The following BUD13 variants were observed in gnomAD, a reference collection of about 807,000 sequenced individuals.
BUD13 encodes BUD13 homolog.
BUD13 carries 47 observed loss-of-function variants against 62.5 expected under a neutral mutation model. The ratio of observed to expected loss-of-function variants is 0.75; its 90% CI spans 0.60 to 0.96. The LOEUF (loss-of-function observed/expected upper bound fraction) is 0.96, where lower values mean the gene tolerates loss of function less well. Ranked by LOEUF, BUD13 falls within the 40% of genes least tolerant of loss-of-function variation. The pLI is 0.00. For synonymous variants in BUD13, 293 were observed against 280.1 expected (o/e 1.05, Z -0.46); for missense variants, 821 against 790.9 (o/e 1.04, Z -0.46).
In BUD13 at chr11:116,772,949, G is replaced by T; in HGVS notation, c.16C>A (p.Pro6Thr). The T allele has an allele frequency of 1.3e-6, 2 of 1,568,788 alleles. No homozygotes were observed. The highest frequency in any genetic ancestry group is 2.3e-5 in the South Asian group (2 of 87,176). The change falls in exon 1 of 10, where the codon CCG becomes ACG. Residue 6 changes from proline to threonine, a missense_variant. Transcript: ENST00000260210. MAAAP[P>T]LSKAEYLKRY... ...TTCAGATACTCGGCCTTGGAAAGCG[G>T]CGGAGCTGCCGCCATGGCAGCGGCG...
In BUD13 at chr11:116,770,234, TA is replaced by T; in HGVS notation, c.144-13del. 1.3e-6 allele frequency: 2 copies of T among 1,597,382 alleles called. No individual in the cohort carries two copies. The highest frequency in any genetic ancestry group is 1.7e-6 in the Non-Finnish European group (2 of 1,173,502). On this transcript the variant is annotated splice_polypyrimidine_tract_variant and intron_variant, in intron 1 of 9. Coordinates refer to ENST00000260210, the MANE Select transcript of BUD13 (RefSeq NM_032725.4). ...CCACAATCCGCATTCTAAATGAGAA[TA>T]AGAAGATCAAAAAGAGTCATTCTAG...
At chr11:116,761,067 A>ATTT in intron 4 of BUD13, 115 bp from the exon 5 acceptor site, 1 of 848,046 alleles carries the variant, frequency 1.2e-6, no homozygotes. Flanking sequence ...TTACATTATT[A>ATTT]TTATTTTTTT....
Position 116,748,941 on chromosome 11 carries a change from T to C in BUD13, c.1767-366A>G, listed in dbSNP as rs574155413. On this transcript the variant is annotated intron_variant, in intron 9 of 9. Transcript: ENST00000260210. ...CAGAGGTTGCAGTGAGCGGAGATCGTGCCACTGCACTCCAGCCTGGGTGAC... is the reference window on the plus strand; with the variant it reads ...CAGAGGTTGCAGTGAGCGGAGATCGCGCCACTGCACTCCAGCCTGGGTGAC... Among the ~76,000 whole-genome samples the C allele has an allele frequency of 3.8e-5, 5 of 130,114 alleles. No individual in the cohort carries two copies. The South Asian group carries it at 1.1e-3, about 29-fold the overall frequency. 85.4% of individuals were successfully genotyped at this position (130,114 alleles called of 152,430 possible). A position where few individuals can be genotyped will look rare whatever the true frequency, so the allele number is the denominator to read the frequency against.
intron 3 of BUD13, among the ~76,000 whole-genome samples, chr11:116,764,978 T>C (rs1487734376): frequency 1.3e-5 from 2 of 151,908 alleles, no homozygotes; most frequent in Non-Finnish European, 2.9e-5. Flanking sequence ...CAGAAATGAG[T>C]TGCTTCATTG....
intron 2 of BUD13, among the ~76,000 whole-genome samples, chr11:116,769,727 C>T (rs1208944282): frequency 2.6e-5 from 4 of 152,090 alleles, no homozygotes; most frequent in Non-Finnish European, 4.4e-5. Context: ...ACTAACCCCC[C>T]TACAAATCTA....
chr11:116,748,365 C>T lies in BUD13; in HGVS notation c.*117G>A. The T allele has an allele frequency of 1.2e-6, 1 of 854,746 alleles. No homozygotes were observed. The highest frequency in any genetic ancestry group is 1.9e-6 in the Non-Finnish European group (1 of 531,090). The allele number at this position is 854,746 out of a possible 1,614,324, so 52.9% of individuals were successfully genotyped here. A position where few individuals can be genotyped will look rare whatever the true frequency, so the allele number is the denominator to read the frequency against. ...TTCTTCTGTGGTCAAAACTGGCATT[C>T]AACAAGTTGCTGGTCTGTGTGGGCT... On this transcript the variant is annotated 3_prime_UTR_variant, in exon 10 of 10. Transcript: ENST00000260210.
At chr11:116,767,141 T>C (rs1260696742) in intron 2 of BUD13, among the ~76,000 whole-genome samples, 2 of 151,348 alleles carry the variant, frequency 1.3e-5, no homozygotes, top group African/African-American at 2.4e-5. Context: ...TGAGCCAAGA[T>C]TGAGCCACTG....
chr11:116,749,004 A>G (rs1320905720), intron 9 of BUD13, among the ~76,000 whole-genome samples: 1 of 151,172 alleles, frequency 6.6e-6, no homozygotes, highest in Non-Finnish European at 1.5e-5. Flanking sequence ...AAAAAAAAGA[A>G]AGAAAGAAAC....
chr11:116,756,178 C>G (rs1940320561), intron 9 of BUD13, among the ~76,000 whole-genome samples: 1 of 151,826 alleles, frequency 6.6e-6, no homozygotes, highest in African/African-American at 2.4e-5. Flanking sequence ...AGCAACAGAG[C>G]AAGACTCTGC....
intron 4 of BUD13, among the ~76,000 whole-genome samples, chr11:116,761,342 T>C (rs1467310462): frequency 6.6e-6 from 1 of 152,156 alleles, no homozygotes; most frequent in Non-Finnish European, 1.5e-5. Flanking sequence ...TGAGCCACCA[T>C]GCCTGGCCAA....
intron 3 of BUD13, 110 bp downstream of exon 3, chr11:116,765,252 T>C (rs1481523959): frequency 1.6e-5 from 19 of 1,153,814 alleles, no homozygotes; most frequent in Non-Finnish European, 2.3e-5. Context: ...TTTTTCAGGA[T>C]CAATGACATG....
In BUD13 at chr11:116,759,111, C is replaced by G; in HGVS notation, c.1323G>C (p.Glu441Asp). The change falls in exon 6 of 10, where the codon GAG becomes GAC. Residue 441 changes from glutamate to aspartate, a missense_variant. Glu to Asp is a conservative substitution (Grantham distance 45). Coordinates refer to ENST00000260210, the MANE Select transcript of BUD13 (RefSeq NM_032725.4). The stretch of plus-strand genomic sequence containing the variant: ...TGGTTTCTTGATCCTGTTCCTTGAG[C>G]TCCTGCTGTTCTCGCTGTATGTCAG... ...VLTDIQREQQELKEQDQETMA... is the reference protein window; with the variant it reads ...VLTDIQREQQDLKEQDQETMA... 1 of 1,613,898 alleles carries G rather than the reference C, an allele frequency of 6.2e-7. No homozygotes were observed. Among genetic ancestry groups the G allele is most frequent in the East Asian group, 2.2e-5 (1 of 44,870 alleles).
At position 116,762,819 on chromosome 11, in the gene BUD13, C is replaced by T. The variant is rs1940455316; in HGVS notation, c.770G>A (p.Gly257Asp). 1 of 1,610,080 alleles carries T rather than the reference C, an allele frequency of 6.2e-7. No individual in the cohort carries two copies. Among genetic ancestry groups the T allele is most frequent in the Non-Finnish European group, 8.5e-7 (1 of 1,178,838 alleles). The part of the protein sequence containing the change: ...NSPDTSRRTL[G>D]SSDTQQLRRA... ...TCTGAGTTGCTGTGTGTCTGAAGAG[C>T]CAAGAGTCCTCCTAGATGTGTCAGG... Residue 257 changes from glycine to aspartate, a missense_variant, in exon 4 of 10, where the codon GGC becomes GAC. This residue lies in a region of BUD13 where 800 missense variants were observed against 739.2 expected (regional missense o/e 1.08). Coordinates refer to ENST00000260210, the MANE Select transcript of BUD13 (RefSeq NM_032725.4).
chr11:116,761,583 C>G (rs1040129496), intron 4 of BUD13, among the ~76,000 whole-genome samples: 1 of 152,180 alleles, frequency 6.6e-6, no homozygotes, highest in African/African-American at 2.4e-5. Flanking sequence ...ACACACTCCT[C>G]TATGTCAGTA....
intron 9 of BUD13, among the ~76,000 whole-genome samples, chr11:116,748,797 C>T (rs1038743578): frequency 3.3e-5 from 5 of 152,022 alleles, no homozygotes; most frequent in Non-Finnish European, 4.4e-5. Flanking sequence ...ACCAGCCTGC[C>T]TAATATGGTG....
Position 116,759,085 on chromosome 11 carries a change from A to G in BUD13, c.1349T>C (p.Met450Thr), listed in dbSNP as rs1405566307. The part of the protein sequence containing the change: ...QELKEQDQET[M>T]AFEAEFQYAE... ...TTTCATATTTTTACCTTCAAATGCCATGGTTTCTTGATCCTGTTCCTTGAG... is the reference window on the plus strand; with the variant it reads ...TTTCATATTTTTACCTTCAAATGCCGTGGTTTCTTGATCCTGTTCCTTGAG... The change falls in exon 6 of 10, where the codon ATG (methionine) becomes ACG (threonine). Residue 450 changes from methionine to threonine, a missense_variant. By Grantham distance (81) the Met-to-Thr change is moderately conservative. Transcript: ENST00000260210. 6.2e-7 allele frequency: 1 copy of G among 1,613,050 alleles called. No homozygotes were observed. The highest frequency in any genetic ancestry group is 1.1e-5 in the South Asian group (1 of 91,034).
At position 116,772,888 on chromosome 11, in the gene BUD13, C is replaced by G. The variant is rs770960697; in HGVS notation, c.77G>C (p.Arg26Pro). The G allele has an allele frequency of 5.0e-6, 8 of 1,588,998 alleles. No homozygotes were observed. Among genetic ancestry groups the G allele is most frequent in the Non-Finnish European group, 6.8e-6 (8 of 1,168,762 alleles). The change falls in exon 1 of 10, where the codon CGG becomes CCG. Residue 26 changes from arginine (R) to proline (P), a missense_variant. Physicochemically the swap from Arg to Pro is moderately radical, Grantham distance 103. Coordinates refer to ENST00000260210, the MANE Select transcript of BUD13 (RefSeq NM_032725.4). ...YLSGADAGVD[R>P]GSESGRKRRK... is the part of the protein sequence containing the mutation. ...ACGCTTGCGACCGGACTCAGATCCC[C>G]GGTCGACGCCGGCATCTGCCCCGGA... is the stretch of plus-strand genomic sequence containing the variant.
Position 116,748,430 on chromosome 11 carries a change from C to T in BUD13, c.*52G>A, listed in dbSNP as rs757208060. 29 of 1,505,164 alleles carry T rather than the reference C, an allele frequency of 1.9e-5. No individual in the cohort carries two copies. The highest frequency in any genetic ancestry group is 2.3e-5 in the Non-Finnish European group (25 of 1,081,764). 93.2% of individuals were successfully genotyped at this position (1,505,164 alleles called of 1,614,324 possible). ...AGACAACTGTTACCACTGGATATCTCGCTGCCTATGCCCACTACCACAGCC... is the reference window on the plus strand; with the variant it reads ...AGACAACTGTTACCACTGGATATCTTGCTGCCTATGCCCACTACCACAGCC... On this transcript the variant is annotated 3_prime_UTR_variant, in exon 10 of 10. Transcript: ENST00000260210.
rs1199838340 is a variant in BUD13, at chr11:116,757,932, T to C, written c.1518A>G (p.Gln506=). 1.9e-6 allele frequency: 3 copies of C among 1,613,902 alleles called. No individual in the cohort carries two copies. The highest frequency in any genetic ancestry group is 1.3e-5 in the African/African-American group (1 of 74,930). Residue 506 remains glutamine (Q), a synonymous_variant, in exon 8 of 10, where the codon CAA becomes CAG. Coordinates refer to ENST00000260210, the MANE Select transcript of BUD13 (RefSeq NM_032725.4). ...TTGCATCCTCCACATTTTGTTGCTGTTGCCGGCTCTGGGCAAGCCTGGGCA... is the reference window on the plus strand; with the variant it reads ...TTGCATCCTCCACATTTTGTTGCTGCTGCCGGCTCTGGGCAAGCCTGGGCA... ...QWGKGLAQSR[Q]QQQNVEDAMK...
Sources: gnomAD v4.1 joint callset for allele counts (sites outside exome capture counted in the v4.1 genomes callset) on GRCh38, gnomAD v4.1.1 for gene constraint, gnomAD v4.1.1 regional missense constraint, MANE v1.5 for transcripts, NCBI Gene and HGNC (gene_info 2026-07-23, HGNC 2026-07-21) for gene names.